The following MAPK10 variants were observed in gnomAD, a reference collection of about 807,000 sequenced individuals.
The protein encoded by MAPK10 is mitogen-activated protein kinase 10, also known as JNK3 alpha protein kinase.
MAPK10 carries 25 observed loss-of-function variants against 59.3 expected under a neutral mutation model. That is an observed-to-expected ratio of 0.42 (90% CI 0.31 to 0.59). MAPK10 has a LOEUF of 0.59. MAPK10 is among the 20% of genes least tolerant of loss of function. MAPK10 has a pLI of 0.15. For missense variants in MAPK10, 351 were observed against 568.9 expected (o/e 0.62, Z 3.90); for synonymous variants, 190 against 200.5 (o/e 0.95, Z 0.44).
At chr4:86,187,684 T>C (rs1035459990) in intron 3 of MAPK10, among the ~76,000 whole-genome samples, 7 of 152,128 alleles carry the variant, frequency 4.6e-5, no homozygotes, top group African/African-American at 1.7e-4. Context: ...CACTTTATAA[T>C]AAAACTTGAA....
chr4:86,167,985 T>C (rs151218804), intron 3 of MAPK10, among the ~76,000 whole-genome samples: 455 of 152,356 alleles, frequency 3.0e-3, no homozygotes, highest in African/African-American at 0.01. Context: ...AATCCCATTG[T>C]CTCAGCCAAA....
chr4:86,169,980 G>T (rs1389474388), intron 3 of MAPK10, among the ~76,000 whole-genome samples: 1 of 152,010 alleles, frequency 6.6e-6, no homozygotes, highest in Non-Finnish European at 1.5e-5. Flanking sequence ...ATAAGTGAAG[G>T]AGAAATAAAA....
At chr4:86,388,867 C>T (rs1408668740) in intron 1 of MAPK10, among the ~76,000 whole-genome samples, 1 of 152,076 alleles carries the variant, frequency 6.6e-6, no homozygotes, top group African/African-American at 2.4e-5. Context: ...AGAACACTGC[C>T]TACCACAAAG....
intron 2 of MAPK10, among the ~76,000 whole-genome samples, chr4:86,269,469 A>G (rs2094360530): frequency 6.6e-6 from 1 of 152,116 alleles, no homozygotes; most frequent in African/African-American, 2.4e-5. Flanking sequence ...TGGCTTCCTA[A>G]GTCTTAATAA....
At chr4:86,442,990 A>C (rs1254689844) in intron 1 of MAPK10, among the ~76,000 whole-genome samples, 1 of 152,194 alleles carries the variant, frequency 6.6e-6, no homozygotes, top group Admixed American at 6.5e-5. Context: ...GGGAGGTCAC[A>C]GAGCAAAGCA....
At chr4:86,225,789 A>G in intron 2 of MAPK10, among the ~76,000 whole-genome samples, 1 of 152,234 alleles carries the variant, frequency 6.6e-6, no homozygotes, top group East Asian at 1.9e-4. Context: ...GAATATTTCC[A>G]AAAGGCAGTG....
intron 11 of MAPK10, among the ~76,000 whole-genome samples, chr4:86,062,619 C>T (rs1202552371): frequency 1.3e-5 from 2 of 151,938 alleles, no homozygotes; most frequent in African/African-American, 4.8e-5. Flanking sequence ...AAATATGCCA[C>T]ATAGTGAGGC....
chr4:86,592,455 C>T (rs1358544964), intron 1 of MAPK10, among the ~76,000 whole-genome samples: 1 of 152,152 alleles, frequency 6.6e-6, no homozygotes, highest in Non-Finnish European at 1.5e-5. Flanking sequence ...CTTGCTATAC[C>T]TTCTTTCTGA....
intron 1 of MAPK10, among the ~76,000 whole-genome samples, chr4:86,546,955 C>T (rs1759234500): frequency 6.6e-6 from 1 of 152,066 alleles, no homozygotes; most frequent in East Asian, 1.9e-4. Context: ...ACTCGGGAGG[C>T]TGAGGCAGGA....
In MAPK10 at chr4:86,017,191, T is replaced by G; in HGVS notation, c.*37A>C. On this transcript the variant is annotated 3_prime_UTR_variant, in exon 14 of 14. Transcript: ENST00000641462. The surrounding 1 kb of genome is among the most constrained non-coding windows in gnomAD (Gnocchi z 4.4). The stretch of plus-strand genomic sequence containing the variant: ...TGTGTGTGTGTTCCATCACATCATC[T>G]CCTGAAGAACGCTGGGTTTCGCAGG... The G allele has an allele frequency of 1.2e-6, 2 of 1,607,188 alleles. No individual in the cohort carries two copies. The highest frequency in any genetic ancestry group is 1.7e-6 in the Non-Finnish European group (2 of 1,176,884).
intron 1 of MAPK10, among the ~76,000 whole-genome samples, chr4:86,556,942 C>A (rs920609442): frequency 5.3e-5 from 8 of 152,012 alleles, no homozygotes; most frequent in Admixed American, 1.3e-4. Context: ...TTTTATTTTT[C>A]TGAGTGGGCT....
In MAPK10 at chr4:86,170,008, A is replaced by G. The variant is rs547594625; in HGVS notation, c.67-10541T>C. Among the ~76,000 whole-genome samples the G allele has an allele frequency of 2.9e-3, 439 of 152,264 alleles. 6 individuals carry two copies. Among genetic ancestry groups the G allele is most frequent in the African/African-American group, 1.0e-2 (415 of 41,560 alleles). On this transcript the variant is annotated intron_variant, in intron 3 of 13. Transcript: ENST00000641462. Reference sequence around the variant, plus strand: ...AAATAAAATACTTTACAGAAAGCAAATGCTGAGATTTTGTCACCACCAGGC... The same window carrying G: ...AAATAAAATACTTTACAGAAAGCAAGTGCTGAGATTTTGTCACCACCAGGC...
intron 2 of MAPK10, among the ~76,000 whole-genome samples, chr4:86,288,165 GT>G (rs112868673): frequency 6.6e-6 from 1 of 150,710 alleles, no homozygotes; most frequent in Non-Finnish European, 1.5e-5. Flanking sequence ...AATGTTTTTT[GT>G]TTTTTTTTAA....
chr4:86,070,595 T>C (rs2047698473), intron 9 of MAPK10, among the ~76,000 whole-genome samples: 1 of 137,620 alleles, frequency 7.3e-6, no homozygotes, highest in South Asian at 2.4e-4. Flanking sequence ...CCTGTGTCCA[T>C]GTGATCTCAT....
At chr4:86,126,305 T>C (rs2060067902) in intron 4 of MAPK10, among the ~76,000 whole-genome samples, 1 of 152,096 alleles carries the variant, frequency 6.6e-6, no homozygotes, top group Non-Finnish European at 1.5e-5. Flanking sequence ...CAGGCTGACA[T>C]TTATAAATTG....
At chr4:86,529,666 C>T (rs1757721873) in intron 1 of MAPK10, among the ~76,000 whole-genome samples, 1 of 152,170 alleles carries the variant, frequency 6.6e-6, no homozygotes, top group African/African-American at 2.4e-5. Context: ...AGGTTGGCTT[C>T]CTCTCTCCCA....
chr4:86,451,460 G>A (rs1750710812), intron 1 of MAPK10, among the ~76,000 whole-genome samples: 1 of 152,188 alleles, frequency 6.6e-6, no homozygotes, highest in Non-Finnish European at 1.5e-5. Context: ...CATATTATAT[G>A]CAAAGCATTT....
intron 11 of MAPK10, among the ~76,000 whole-genome samples, chr4:86,038,444 C>T (rs1324926661): frequency 6.6e-6 from 1 of 152,056 alleles, no homozygotes; most frequent in Non-Finnish European, 1.5e-5. Context: ...ACGCTTTAAG[C>T]AAGAAGGGTA....
Position 86,264,888 on chromosome 4 carries a change from C to CTT in MAPK10, c.-6-70483_-6-70482dup, listed in dbSNP as rs397879051. On this transcript the variant is annotated intron_variant, in intron 2 of 13. Coordinates refer to ENST00000641462, the MANE Select transcript of MAPK10 (RefSeq NM_138982.4). Reference sequence around the variant, plus strand: ...TCTCTAGGTTTTTGATGGCCCTGGACTTTTTTTTTTTTTTTTTTTTTTGTG... The same window carrying CTT: ...TCTCTAGGTTTTTGATGGCCCTGGACTTTTTTTTTTTTTTTTTTTTTTTTGTG... 8.2e-3 allele frequency among the ~76,000 whole-genome samples: 777 copies of CTT among 95,160 alleles called. 4 individuals carry two copies. The highest frequency in any genetic ancestry group is 0.012 in the East Asian group (38 of 3,164). The allele number at this position is 95,160 out of a possible 152,430, so 62.4% of individuals were successfully genotyped here.
Sources: gnomAD v4.1 joint callset for allele counts (sites outside exome capture counted in the v4.1 genomes callset) on GRCh38, gnomAD v4.1.1 for gene constraint, Gnocchi (gnomAD v3.1) non-coding constraint, MANE v1.5 for transcripts, NCBI Gene and HGNC (gene_info 2026-07-23, HGNC 2026-07-21) for gene names.